Variants in CABLES1 observed in about 807,000 individuals in gnomAD.
The protein encoded by CABLES1 is CDK5 and ABL1 enzyme substrate 1.
Under a neutral mutation model 57.8 loss-of-function variants are expected in CABLES1, and 36 were observed. The ratio of observed to expected loss-of-function variants is 0.62; its 90% CI spans 0.48 to 0.82. The LOEUF is 0.82. Among genes scored for constraint, CABLES1 ranks in the 40% least tolerant of loss-of-function variants. The probability of loss-of-function intolerance (pLI) is 0.00; values close to 1 mark genes in which losing one functional copy is unlikely to be tolerated. For synonymous variants in CABLES1, 374 were observed against 363.0 expected (o/e 1.03, Z -0.35); for missense variants, 767 against 836.6 (o/e 0.92, Z 1.03).
At chr18:23,246,577 G>A (rs2047893522) in intron 7 of CABLES1, among the ~76,000 whole-genome samples, 2 of 151,862 alleles carry the variant, frequency 1.3e-5, no homozygotes, top group African/African-American at 2.4e-5. Flanking sequence ...GTTTTTAGTA[G>A]AGATGGGGTT....
At chr18:23,179,802 C>T (rs1345203293) in intron 1 of CABLES1, among the ~76,000 whole-genome samples, 1 of 152,234 alleles carries the variant, frequency 6.6e-6, no homozygotes, top group Non-Finnish European at 1.5e-5. Context: ...GAAGGGAAGG[C>T]CGTTTTGCTT....
chr18:23,175,131 A>T (rs563352499), intron 1 of CABLES1, among the ~76,000 whole-genome samples: 7 of 152,178 alleles, frequency 4.6e-5, no homozygotes, highest in African/African-American at 1.7e-4. Context: ...AACAAATTAG[A>T]TTCTGAGATT....
intron 3 of CABLES1, among the ~76,000 whole-genome samples, chr18:23,208,406 T>A (rs1211406607): frequency 1.3e-5 from 2 of 152,242 alleles, no homozygotes; most frequent in African/African-American, 2.4e-5. Context: ...GCTCTCATTA[T>A]GCCATTGCCA....
chr18:23,220,603 G>A (rs1163509604), intron 4 of CABLES1, among the ~76,000 whole-genome samples: 2 of 152,130 alleles, frequency 1.3e-5, no homozygotes. Context: ...GGGTGTGCTG[G>A]CTCGGGACCA....
In CABLES1 at chr18:23,135,981, G is replaced by A; in HGVS notation, c.219G>A (p.Ser73=). The change falls in exon 1 of 10, where the codon TCG becomes TCA. Residue 73 remains serine (S), a synonymous_variant. Transcript: ENST00000256925. ...CCCTCTCCTTCCTCACCAACATCTC[G>A]CTGGACGGCCGGCTGCCGCCGCAGG... is the stretch of plus-strand genomic sequence containing the variant. The part of the protein sequence containing the change: ...QAALSFLTNI[S]LDGRLPPQDA... 1 of 1,138,746 alleles carries A rather than the reference G, an allele frequency of 8.8e-7. No homozygotes were observed. 70.5% of individuals were successfully genotyped at this position (1,138,746 alleles called of 1,614,324 possible). A position where few individuals can be genotyped will look rare whatever the true frequency, so the allele number is the denominator to read the frequency against.
rs1039084918 is a variant in CABLES1, at chr18:23,237,345, G to A, written c.1446+100G>A. The A allele has an allele frequency of 3.6e-6, 3 of 829,562 alleles. No individual in the cohort carries two copies. The African/African-American group carries it at 5.0e-5, about 14-fold the overall frequency. The allele number at this position is 829,562 out of a possible 1,614,324, so 51.4% of individuals were successfully genotyped here. A position where few individuals can be genotyped will look rare whatever the true frequency, so the allele number is the denominator to read the frequency against. On this transcript the variant is annotated intron_variant, in intron 7 of 9. Transcript: ENST00000256925. ...CTTGTTCAAAGACTGCTCTGCCTGGGGGACCTTCATGAGGAGCTCCCCGGT... is the reference window on the plus strand; with the variant it reads ...CTTGTTCAAAGACTGCTCTGCCTGGAGGACCTTCATGAGGAGCTCCCCGGT...
intron 4 of CABLES1, among the ~76,000 whole-genome samples, chr18:23,226,441 C>T (rs1053788026): frequency 6.6e-6 from 1 of 151,742 alleles, no homozygotes; most frequent in African/African-American, 2.4e-5. Context: ...CAAGCCTGGA[C>T]CAGGAAACCA....
chr18:23,236,858 G>A (rs2047620313), intron 6 of CABLES1, among the ~76,000 whole-genome samples: 1 of 152,194 alleles, frequency 6.6e-6, no homozygotes, highest in African/African-American at 2.4e-5. Context: ...CACGCTGTGT[G>A]AAGTTTTTTG....
In CABLES1 at chr18:23,136,882, A is replaced by G. The variant is rs552872063; in HGVS notation, c.845+275A>G. On this transcript the variant is annotated intron_variant, in intron 1 of 9. Coordinates refer to ENST00000256925, the MANE Select transcript of CABLES1 (RefSeq NM_001100619.3). ...CGGGAATTGGGAGTTGCAGGAGCCCAGTAGAAAGCGGCGTCCGAGCCTCCC... is the reference window on the plus strand; with the variant it reads ...CGGGAATTGGGAGTTGCAGGAGCCCGGTAGAAAGCGGCGTCCGAGCCTCCC... 1.6e-4 allele frequency among the ~76,000 whole-genome samples: 24 copies of G among 152,354 alleles called. 1 individual carries two copies. The South Asian group carries it at 4.4e-3, about 28-fold the overall frequency.
At chr18:23,203,453 T>C (rs2047340292) in intron 3 of CABLES1, among the ~76,000 whole-genome samples, 1 of 142,276 alleles carries the variant, frequency 7.0e-6, no homozygotes, top group African/African-American at 2.8e-5. Context: ...ACCAATAGGA[T>C]ATGTTAAAAA....
intron 3 of CABLES1, among the ~76,000 whole-genome samples, chr18:23,201,988 G>T (rs1204194221): frequency 6.6e-6 from 1 of 152,234 alleles, no homozygotes; most frequent in African/African-American, 2.4e-5. Flanking sequence ...TGAGGCGGAA[G>T]GGCCGGGGTG....
chr18:23,148,948 G>A (rs1017701185), intron 1 of CABLES1, among the ~76,000 whole-genome samples: 1 of 151,738 alleles, frequency 6.6e-6, no homozygotes, highest in Non-Finnish European at 1.5e-5. Context: ...GGAGTGCAGT[G>A]GCGTGATCTC....
At chr18:23,233,436 A>G (rs2047580705) in intron 4 of CABLES1, among the ~76,000 whole-genome samples, 1 of 152,176 alleles carries the variant, frequency 6.6e-6, no homozygotes, top group South Asian at 2.1e-4. Flanking sequence ...CAATCTCCCA[A>G]GGGCCTCAGT....
intron 3 of CABLES1, among the ~76,000 whole-genome samples, chr18:23,195,598 C>CA (rs2047276482): frequency 6.6e-6 from 1 of 152,170 alleles, no homozygotes; most frequent in African/African-American, 2.4e-5. Flanking sequence ...CTTATAAGGA[C>CA]AGGGAACATG....
At chr18:23,171,779 C>T (rs2047084022) in intron 1 of CABLES1, among the ~76,000 whole-genome samples, 1 of 152,200 alleles carries the variant, frequency 6.6e-6, no homozygotes. Context: ...AACTCTGCTT[C>T]CCCGTGACCC....
chr18:23,155,987 G>T (rs1207929130), intron 1 of CABLES1: 1 of 1,613,476 alleles, frequency 6.2e-7, no homozygotes, highest in Non-Finnish European at 8.5e-7. Context: ...GTGACCCAGA[G>T]AGCTGAGTCT....
At chr18:23,152,082 G>C (rs1307572276) in intron 1 of CABLES1, among the ~76,000 whole-genome samples, 1 of 152,146 alleles carries the variant, frequency 6.6e-6, no homozygotes, top group African/African-American at 2.4e-5. Context: ...AGGAGTATTA[G>C]CTTGATCCAG....
chr18:23,188,543 T>TGTGTGTGTGTGTGTGTG (rs2047218763), intron 1 of CABLES1, among the ~76,000 whole-genome samples: 1 of 148,960 alleles, frequency 6.7e-6, no homozygotes, highest in African/African-American at 2.5e-5. Context: ...CACCTTGTCT[T>TGTGTGTGTGTGTGTGTG]TGTGTGTGTG....
intron 3 of CABLES1, among the ~76,000 whole-genome samples, chr18:23,210,999 A>C (rs182044576): frequency 6.6e-6 from 1 of 152,014 alleles, no homozygotes; most frequent in Non-Finnish European, 1.5e-5. Flanking sequence ...AACTTGACCT[A>C]TGCGGTAAAA....
Sources: allele counts gnomAD v4.1 joint callset (sites outside exome capture counted in the v4.1 genomes callset), GRCh38; gene constraint gnomAD v4.1.1; transcripts MANE v1.5; gene names NCBI Gene and HGNC (gene_info 2026-07-23, HGNC 2026-07-21).